MOV10: variants seen among roughly 807,000 people sequenced by gnomAD.
MOV10 encodes the protein Mov10 RNA helicase, also known as RNA helicase MOV-10.
In MOV10, 39 loss-of-function variants were observed where a neutral mutation model predicts 108.4. That is an observed-to-expected ratio of 0.36 (90% CI 0.28 to 0.47). The LOEUF (loss-of-function observed/expected upper bound fraction) is 0.47. Ranked by LOEUF, MOV10 falls within the 20% of genes least tolerant of loss-of-function variation. The pLI is 1.00. For missense variants in MOV10, 952 were observed against 1,297.6 expected (o/e 0.73, Z 4.09); for synonymous variants, 490 against 523.1 (o/e 0.94, Z 0.86).
intron 2 of MOV10, among the ~76,000 whole-genome samples, chr1:112,680,142 A>G (rs1033039775): frequency 6.6e-6 from 1 of 152,082 alleles, no homozygotes; most frequent in Non-Finnish European, 1.5e-5. Flanking sequence ...TCTGTAAAGC[A>G]TTGTTATGGG....
intron 2 of MOV10, among the ~76,000 whole-genome samples, chr1:112,680,892 G>C (rs137876838): frequency 6.6e-6 from 1 of 151,146 alleles, no homozygotes; most frequent in African/African-American, 2.4e-5. Flanking sequence ...TAGTAGAGAC[G>C]AGGTTTCACC....
chr1:112,695,539 A>G lies in MOV10; in HGVS notation c.1744A>G (p.Ser582Gly). The G allele has an allele frequency of 1.2e-6, 2 of 1,614,170 alleles. No individual in the cohort carries two copies. Among genetic ancestry groups the G allele is most frequent in the Non-Finnish European group, 1.7e-6 (2 of 1,180,030 alleles). Reference sequence around the variant, plus strand: ...CTCCATCTACCGCCTCCTGGCCCCCAGCAGGGACATCCGCATGGTACCTGA... The same window carrying G: ...CTCCATCTACCGCCTCCTGGCCCCCGGCAGGGACATCCGCATGGTACCTGA... ...PSSIYRLLAP[S>G]RDIRMVPEDI... Residue 582 changes from serine to glycine, a missense_variant, in exon 11 of 21, where the codon AGC (serine) becomes GGC (glycine). Physicochemically the swap from Ser to Gly is moderately conservative, Grantham distance 56. Around this residue, in one of 5 missense-constraint regions of MOV10, gnomAD observed 453 missense variants for 611.5 expected, o/e 0.74. Transcript: ENST00000369645.
chr1:112,699,345 T>C (rs1674416606), intron 17 of MOV10: 4 of 572,744 alleles, frequency 7.0e-6, no homozygotes, highest in Admixed American at 9.6e-5. Context: ...GGGTCCGGGT[T>C]AGGGCCCAGG....
rs768238276 is a variant in MOV10, at chr1:112,690,041, G to A, written c.779G>A (p.Arg260Gln). ...CCCATGACTCCCTTCAAGCGGACCC[G>A]GATCACCGGAAACCCTGTGGTGACC... ...LKPMTPFKRT[R>Q]ITGNPVVTNR... The change falls in exon 5 of 21, where the codon CGG (arginine) becomes CAG (glutamine). Residue 260 changes from arginine to glutamine, a missense_variant. Around this residue, in one of 5 missense-constraint regions of MOV10, gnomAD observed 374 missense variants for 468.6 expected, o/e 0.80. Transcript: ENST00000369645. The A allele has an allele frequency of 1.7e-5, 27 of 1,613,932 alleles. No individual in the cohort carries two copies. The highest frequency in any genetic ancestry group is 5.3e-5 in the African/African-American group (4 of 74,906).
At chr1:112,688,806 C>G in intron 2 of MOV10, 129 bp from the exon 3 acceptor site, 1 of 1,515,812 alleles carries the variant, frequency 6.6e-7, no homozygotes, top group Middle Eastern at 2.4e-4. Flanking sequence ...TCTCTGGGCC[C>G]CATCCTGCTC....
chr1:112,700,116 T>A, intron 19 of MOV10, 103 bp from the exon 20 acceptor site: 10 of 1,592,968 alleles, frequency 6.3e-6, no homozygotes, highest in Admixed American at 1.7e-5. Context: ...ACTATTGTAT[T>A]TATAAGTTAA....
In MOV10 at chr1:112,698,041, G is replaced by C; in HGVS notation, c.2246G>C (p.Gly749Ala). 1.9e-6 allele frequency: 3 copies of C among 1,614,172 alleles called. No homozygotes were observed. Among genetic ancestry groups the C allele is most frequent in the Non-Finnish European group, 2.5e-6 (3 of 1,180,032 alleles). ...LDIPNQLYYE[G>A]ELQACADVVD... ...ATTCCTAACCAGCTCTATTATGAAG[G>C]GGAGCTGCAGGCCTGTGCTGATGTC... Residue 749 changes from glycine to alanine, a missense_variant, in exon 15 of 21, where the codon GGG becomes GCG. This residue lies in a region of MOV10 where 453 missense variants were observed against 611.5 expected (regional missense o/e 0.74). Transcript: ENST00000369645.
intron 2 of MOV10, among the ~76,000 whole-genome samples, chr1:112,682,361 C>T (rs1471202867): frequency 6.6e-6 from 1 of 152,040 alleles, no homozygotes; most frequent in Non-Finnish European, 1.5e-5. Flanking sequence ...GTAGCTGGGA[C>T]CATAGGCGTG....
Position 112,688,776 on chromosome 1 carries a change from C to G in MOV10, c.138-159C>G, listed in dbSNP as rs577201559. 3.4e-6 allele frequency: 5 copies of G among 1,461,602 alleles called. No individual in the cohort carries two copies. The South Asian group carries it at 7.1e-5, about 21-fold the overall frequency. 90.5% of individuals were successfully genotyped at this position (1,461,602 alleles called of 1,614,324 possible). A position where few individuals can be genotyped will look rare whatever the true frequency, so the allele number is the denominator to read the frequency against. ...TGAAAACATTAAACATTCCTCCGATCCCCAGCCTGAGTCTCTCTGTCTCTG... is the reference window on the plus strand; with the variant it reads ...TGAAAACATTAAACATTCCTCCGATGCCCAGCCTGAGTCTCTCTGTCTCTG... On this transcript the variant is annotated intron_variant, in intron 2 of 20. Coordinates refer to ENST00000369645, the MANE Select transcript of MOV10 (RefSeq NM_001321324.2).
chr1:112,695,250 A>C (rs151296042), intron 10 of MOV10, among the ~76,000 whole-genome samples, 166 bp from the exon 11 acceptor site: 1,711 of 152,130 alleles, frequency 0.011, 14 homozygotes, highest in Non-Finnish European at 0.018. Flanking sequence ...GGGAAGTGGG[A>C]AGTTAGGGTA....
intron 2 of MOV10, among the ~76,000 whole-genome samples, chr1:112,685,886 GA>G (rs1269770973): frequency 6.6e-6 from 1 of 152,194 alleles, no homozygotes; most frequent in East Asian, 1.9e-4. Context: ...ATCTGCAGTA[GA>G]ATTTGGAAAT....
chr1:112,681,135 C>T (rs893240763), intron 2 of MOV10, among the ~76,000 whole-genome samples: 2 of 152,088 alleles, frequency 1.3e-5, no homozygotes, highest in African/African-American at 4.8e-5. Context: ...ACATTCCGCC[C>T]TGTACTCAGG....
chr1:112,698,597 A>G, intron 16 of MOV10, 118 bp from the exon 17 acceptor site: 1 of 1,434,712 alleles, frequency 7.0e-7, no homozygotes, highest in South Asian at 1.2e-5. Context: ...CGTATCTCAG[A>G]AGAGCACCAA....
intron 2 of MOV10, among the ~76,000 whole-genome samples, chr1:112,681,949 G>A (rs1354234320): frequency 6.6e-6 from 1 of 150,614 alleles, no homozygotes; most frequent in African/African-American, 2.4e-5. Context: ...AGGCTGGAGT[G>A]CAATGGCGCA....
At chr1:112,676,220 G>C (rs1460471706) in intron 2 of MOV10, among the ~76,000 whole-genome samples, 1 of 152,156 alleles carries the variant, frequency 6.6e-6, no homozygotes, top group Non-Finnish European at 1.5e-5. Context: ...AATCCCAGAG[G>C]AGCATCAGAG....
At chr1:112,696,589 G>A (rs1674111843) in intron 13 of MOV10, 41 bp from the exon 14 acceptor site, 1 of 1,612,218 alleles carries the variant, frequency 6.2e-7, no homozygotes. Context: ...CAGAGAGGTT[G>A]CACCACTTAC....
Position 112,694,554 on chromosome 1 carries a change from G to A in MOV10, c.1397G>A (p.Arg466His), listed in dbSNP as rs144977139. The change falls in exon 9 of 21, where the codon CGC becomes CAC. Residue 466 changes from arginine to histidine, a missense_variant. Transcript: ENST00000369645. The surrounding 1 kb of genome is among the most constrained non-coding windows in gnomAD (Gnocchi z 4.1). ...CACCGTGCCCTGGAGCTGACAGGGC[G>A]CTGGCTGCTGTGGCCCATGCTCTTT... is the stretch of plus-strand genomic sequence containing the variant. ...VQHRALELTG[R>H]WLLWPMLFPV... The A allele has an allele frequency of 1.1e-5, 18 of 1,613,846 alleles. No individual in the cohort carries two copies. The highest frequency in any genetic ancestry group is 4.0e-5 in the African/African-American group (3 of 74,916).
chr1:112,700,449 G>A lies in MOV10; in HGVS notation c.2954G>A (p.Arg985Gln), dbSNP rs201257888. 1.3e-4 allele frequency: 207 copies of A among 1,613,862 alleles called. No individual in the cohort carries two copies. The highest frequency in any genetic ancestry group is 1.6e-4 in the Non-Finnish European group (189 of 1,179,892). The part of the protein sequence containing the change: ...PHSHDYLPQE[R>Q]EGEGGLSLQV... ...AGCCATGACTACCTCCCCCAGGAGC[G>A]GGAGGGTGAAGGGGGCCTGTCTCTG... The change falls in exon 21 of 21, where the codon CGG (arginine) becomes CAG (glutamine). Residue 985 changes from arginine (R) to glutamine (Q), a missense_variant. This residue lies in a region of MOV10 where 42 missense variants were observed against 36.5 expected (regional missense o/e 1.15). Coordinates refer to ENST00000369645, the MANE Select transcript of MOV10 (RefSeq NM_001321324.2).
At chr1:112,677,823 TGA>T (rs1398296747) in intron 2 of MOV10, among the ~76,000 whole-genome samples, 1 of 152,136 alleles carries the variant, frequency 6.6e-6, no homozygotes, top group Non-Finnish European at 1.5e-5. Context: ...ATTCCTACAC[TGA>T]GAGGGGATAG....
Sources: gnomAD v4.1 joint callset for allele counts (sites outside exome capture counted in the v4.1 genomes callset) on GRCh38, gnomAD v4.1.1 for gene constraint, gnomAD v4.1.1 regional missense constraint, Gnocchi (gnomAD v3.1) non-coding constraint, MANE v1.5 for transcripts, NCBI Gene and HGNC (gene_info 2026-07-23, HGNC 2026-07-21) for gene names.